Variants in CACNA1D observed in about 807,000 individuals in gnomAD.
CACNA1D encodes the protein voltage-dependent L-type calcium channel subunit alpha-1D.
CACNA1D carries 55 observed loss-of-function variants against 257.1 expected under a neutral mutation model. The ratio of observed to expected loss-of-function variants is 0.21; its 90% CI spans 0.17 to 0.27. The LOEUF (loss-of-function observed/expected upper bound fraction) is 0.27, where lower values mean the gene tolerates loss of function less well. Among genes scored for constraint, CACNA1D ranks in the 10% least tolerant of loss-of-function variants. CACNA1D has a pLI of 1.00. For missense variants in CACNA1D, 1,876 were observed against 2,784.0 expected (o/e 0.67, Z 7.34); for synonymous variants, 980 against 1,014.9 (o/e 0.97, Z 0.65).
At chr3:53,619,596 T>G (rs773476867) in intron 3 of CACNA1D, among the ~76,000 whole-genome samples, 1 of 152,208 alleles carries the variant, frequency 6.6e-6, no homozygotes, top group African/African-American at 2.4e-5. Flanking sequence ...GCCCTCATCT[T>G]GTGGCTCTAA....
In CACNA1D at chr3:53,692,564, C is replaced by G. The variant is rs140080025; in HGVS notation, c.1221-10077C>G. ...ACTCCATCCCTACCGCACTCTCCTG[C>G]TCAGGGTAAGTGCCACATGTAAACA... On this transcript the variant is annotated intron_variant, in intron 8 of 47. Transcript: ENST00000350061. Among the ~76,000 whole-genome samples, 710 of 152,306 alleles carry G rather than the reference C, an allele frequency of 4.7e-3. 8 individuals are homozygous for G. Among genetic ancestry groups the G allele is most frequent in the African/African-American group, 0.017 (686 of 41,556 alleles).
At chr3:53,775,481 C>A (rs1204133697) in intron 34 of CACNA1D, among the ~76,000 whole-genome samples, 1 of 152,094 alleles carries the variant, frequency 6.6e-6, no homozygotes, top group Non-Finnish European at 1.5e-5. Context: ...GGAGGCTGAG[C>A]CCAGGAGGTC....
chr3:53,704,385 G>C (rs1472551870), intron 9 of CACNA1D, among the ~76,000 whole-genome samples: 2 of 152,184 alleles, frequency 1.3e-5, no homozygotes, highest in Non-Finnish European at 2.9e-5. Flanking sequence ...GCTCAGGAAG[G>C]GGCCAGGACT....
At chr3:53,736,898 A>AC (rs945782312) in intron 20 of CACNA1D, among the ~76,000 whole-genome samples, 3 of 151,922 alleles carry the variant, frequency 2.0e-5, no homozygotes, top group African/African-American at 7.3e-5. Flanking sequence ...TAAAAAAAAA[A>AC]AAAAAACAAA....
At chr3:53,677,596 C>G (rs1190560786) in intron 8 of CACNA1D, among the ~76,000 whole-genome samples, 1 of 152,140 alleles carries the variant, frequency 6.6e-6, no homozygotes, top group Non-Finnish European at 1.5e-5. Context: ...TCTGGATTTC[C>G]CAGCAGGTGG....
At chr3:53,750,727 T>C (rs2095218014) in intron 27 of CACNA1D, among the ~76,000 whole-genome samples, 1 of 152,114 alleles carries the variant, frequency 6.6e-6, no homozygotes, top group South Asian at 2.1e-4. Context: ...CAGGCTTGAA[T>C]TGGGGGTCCC....
At chr3:53,517,045 T>C (rs1177578648) in intron 3 of CACNA1D, among the ~76,000 whole-genome samples, 1 of 152,190 alleles carries the variant, frequency 6.6e-6, no homozygotes, top group Non-Finnish European at 1.5e-5. Flanking sequence ...ACTTTCTTCA[T>C]TGGTCATAAA....
At chr3:53,804,838 A>G (rs1367115862) in intron 44 of CACNA1D, 145 bp from the exon 45 acceptor site, 3 of 799,358 alleles carry the variant, frequency 3.8e-6, no homozygotes, top group South Asian at 3.0e-5. Context: ...GGAATCTTCC[A>G]TGAAACTGAG....
intron 4 of CACNA1D, among the ~76,000 whole-genome samples, chr3:53,659,129 A>G (rs1449945187): frequency 1.3e-5 from 2 of 152,228 alleles, no homozygotes; most frequent in South Asian, 4.1e-4. Context: ...CAAATTTTAT[A>G]CTTACTCTGA....
chr3:53,541,906 C>T (rs773358692), intron 3 of CACNA1D, among the ~76,000 whole-genome samples: 9 of 152,060 alleles, frequency 5.9e-5, no homozygotes, highest in Non-Finnish European at 8.8e-5. Flanking sequence ...CAAAAGACCA[C>T]GTATTTTATG....
chr3:53,577,234 C>T (rs2093053350), intron 3 of CACNA1D, among the ~76,000 whole-genome samples: 1 of 152,196 alleles, frequency 6.6e-6, no homozygotes, highest in African/African-American at 2.4e-5. Flanking sequence ...TGGACTCACT[C>T]AGACTCCCTC....
intron 30 of CACNA1D, among the ~76,000 whole-genome samples, chr3:53,768,917 C>T (rs1413688062): frequency 3.3e-5 from 5 of 152,306 alleles, no homozygotes; most frequent in Admixed American, 2.0e-4. Flanking sequence ...GTACAGAAAG[C>T]GTCCTTGAAG....
At chr3:53,771,303 A>T (rs1418821527) in intron 32 of CACNA1D, among the ~76,000 whole-genome samples, 4 of 152,236 alleles carry the variant, frequency 2.6e-5, no homozygotes, top group African/African-American at 7.2e-5. Flanking sequence ...TTCATTTTTT[A>T]AATTATTTGA....
intron 3 of CACNA1D, among the ~76,000 whole-genome samples, chr3:53,521,295 G>A (rs541053517): frequency 6.6e-6 from 1 of 152,266 alleles, no homozygotes; most frequent in East Asian, 1.9e-4. Context: ...CCCTGCCTCA[G>A]CTTCCTAAAG....
intron 40 of CACNA1D, among the ~76,000 whole-genome samples, chr3:53,788,248 A>C (rs1230628124): frequency 2.0e-5 from 3 of 152,200 alleles, no homozygotes; most frequent in African/African-American, 7.2e-5. Context: ...TGCTCTACCC[A>C]GACAGCTACA....
At chr3:53,763,239 G>C (rs956897081) in intron 30 of CACNA1D, among the ~76,000 whole-genome samples, 1 of 152,248 alleles carries the variant, frequency 6.6e-6, no homozygotes, top group African/African-American at 2.4e-5. Context: ...CCAGGGAGAG[G>C]GTGTCAGTCC....
At chr3:53,545,615 A>G (rs576173865) in intron 3 of CACNA1D, among the ~76,000 whole-genome samples, 3 of 152,336 alleles carry the variant, frequency 2.0e-5, no homozygotes, top group East Asian at 1.9e-4. Context: ...TTACTTATAA[A>G]TGAAAACAAA....
intron 3 of CACNA1D, among the ~76,000 whole-genome samples, chr3:53,508,867 A>G (rs2090979571): frequency 6.6e-6 from 1 of 152,186 alleles, no homozygotes; most frequent in Non-Finnish European, 1.5e-5. Flanking sequence ...AGGTTCTAGA[A>G]TTCTGGAGGT....
intron 3 of CACNA1D, among the ~76,000 whole-genome samples, chr3:53,564,712 T>C (rs777029082): frequency 1.5e-4 from 23 of 152,204 alleles, no homozygotes; most frequent in Non-Finnish European, 3.1e-4. Flanking sequence ...AAATATCCAT[T>C]AATCCTTATA....
Sources: allele counts gnomAD v4.1 joint callset (sites outside exome capture counted in the v4.1 genomes callset), GRCh38; gene constraint gnomAD v4.1.1; transcripts MANE v1.5; gene names NCBI Gene and HGNC (gene_info 2026-07-23, HGNC 2026-07-21).